ZSWIM6: variants seen among roughly 807,000 people sequenced by gnomAD.
ZSWIM6 encodes the protein zinc finger SWIM-type containing 6.
Under a neutral mutation model 113.2 loss-of-function variants are expected in ZSWIM6, and 9 were observed. The ratio of observed to expected loss-of-function variants is 0.08; its 90% CI spans 0.05 to 0.14. The LOEUF (loss-of-function observed/expected upper bound fraction) is 0.14, where lower values mean the gene tolerates loss of function less well. Among genes scored for constraint, ZSWIM6 ranks in the 10% least tolerant of loss-of-function variants. The pLI is 1.00. For missense variants in ZSWIM6, 1,162 were observed against 1,552.2 expected, an observed-to-expected ratio of 0.75 and a Z score of 4.22; for synonymous variants, 611 against 606.5, an observed-to-expected ratio of 1.01 and a Z score of -0.11.
At chr5:61,439,193 G>A (rs999417042) in intron 1 of ZSWIM6, among the ~76,000 whole-genome samples, 1 of 152,140 alleles carries the variant, frequency 6.6e-6, no homozygotes, top group Non-Finnish European at 1.5e-5. Context: ...AAAGGCAAAT[G>A]ACTTTTATTT....
Position 61,472,539 on chromosome 5 carries a change from C to T in ZSWIM6, c.677-142C>T. On this transcript the variant is annotated intron_variant, in intron 1 of 13. Transcript: ENST00000252744. The surrounding 1 kb of genome is among the most constrained non-coding windows in gnomAD (Gnocchi z 4.1). ...AGGGGGTGGTGGTAGTGGTTAGTGG[C>T]CTGAATGTTTTTACTTGAATATAGA... 1 of 588,376 alleles carries T rather than the reference C, an allele frequency of 1.7e-6. No individual in the cohort carries two copies. Among genetic ancestry groups the T allele is most frequent in the Non-Finnish European group, 2.9e-6 (1 of 347,140 alleles). The allele number at this position is 588,376 out of a possible 1,614,324, so 36.4% of individuals were successfully genotyped here.
At chr5:61,456,820 A>T (rs777620243) in intron 1 of ZSWIM6, among the ~76,000 whole-genome samples, 2 of 152,008 alleles carry the variant, frequency 1.3e-5, no homozygotes, top group Non-Finnish European at 2.9e-5. Flanking sequence ...CATATTTTAC[A>T]GTACTAACAT....
chr5:61,345,043 A>G (rs1322095499), intron 1 of ZSWIM6, among the ~76,000 whole-genome samples: 1 of 152,148 alleles, frequency 6.6e-6, no homozygotes, highest in Non-Finnish European at 1.5e-5. Context: ...ATCCAGCTCA[A>G]TACTTTTCAT....
chr5:61,492,887 A>G (rs1018239687), intron 3 of ZSWIM6, among the ~76,000 whole-genome samples: 1 of 152,086 alleles, frequency 6.6e-6, no homozygotes, highest in Non-Finnish European at 1.5e-5. Flanking sequence ...CCTTTCACAT[A>G]GAGAGTCCTG....
intron 4 of ZSWIM6, among the ~76,000 whole-genome samples, chr5:61,495,740 G>A (rs1459364912): frequency 1.3e-5 from 2 of 152,042 alleles, no homozygotes; most frequent in African/African-American, 4.8e-5. Context: ...AATCCTAAAT[G>A]TTTTACTTTT....
At chr5:61,390,924 G>GCCC (rs1158395606) in intron 1 of ZSWIM6, 2 of 827,606 alleles carry the variant, frequency 2.4e-6, no homozygotes, top group African/African-American at 3.3e-5. Flanking sequence ...GTGGACAAAG[G>GCCC]CCCCCAGAGG....
At chr5:61,430,887 T>C (rs1483359132) in intron 1 of ZSWIM6, among the ~76,000 whole-genome samples, 4 of 152,210 alleles carry the variant, frequency 2.6e-5, no homozygotes, top group Non-Finnish European at 5.9e-5. Context: ...TAATGATGGC[T>C]TATGTTTTAA....
At chr5:61,337,316 C>T (rs1469114446) in intron 1 of ZSWIM6, among the ~76,000 whole-genome samples, 1 of 151,998 alleles carries the variant, frequency 6.6e-6, no homozygotes, top group Non-Finnish European at 1.5e-5. Flanking sequence ...AAACGAGATG[C>T]AAATAAAAAT....
chr5:61,440,942 C>T (rs1746817807), intron 1 of ZSWIM6, among the ~76,000 whole-genome samples: 1 of 152,160 alleles, frequency 6.6e-6, no homozygotes, highest in South Asian at 2.1e-4. Flanking sequence ...GCAGAAAGTA[C>T]TTTGGTCCAC....
At chr5:61,526,777 C>T (rs928030704) in intron 7 of ZSWIM6, among the ~76,000 whole-genome samples, 1 of 152,178 alleles carries the variant, frequency 6.6e-6, no homozygotes, top group African/African-American at 2.4e-5. Context: ...GCAATCCTAA[C>T]GTCCCAAATG....
intron 1 of ZSWIM6, among the ~76,000 whole-genome samples, chr5:61,418,566 T>C (rs1157786800): frequency 2.6e-5 from 4 of 152,076 alleles, no homozygotes; most frequent in Admixed American, 6.5e-5. Flanking sequence ...GCCTACTCTA[T>C]GATTTTTATT....
chr5:61,413,715 C>G (rs183319299), intron 1 of ZSWIM6, among the ~76,000 whole-genome samples: 92 of 152,268 alleles, frequency 6.0e-4, no homozygotes, highest in African/African-American at 2.0e-3. Flanking sequence ...GATTGCCATT[C>G]TAATTGGTGT....
chr5:61,335,686 C>T (rs1385098742), intron 1 of ZSWIM6, among the ~76,000 whole-genome samples: 1 of 152,186 alleles, frequency 6.6e-6, no homozygotes, highest in East Asian at 1.9e-4. Context: ...TATTCATTGA[C>T]TTTTGTAGAG....
chr5:61,407,735 C>G (rs1397720417), intron 1 of ZSWIM6, among the ~76,000 whole-genome samples: 5 of 152,104 alleles, frequency 3.3e-5, no homozygotes, highest in Non-Finnish European at 7.4e-5. Context: ...AAAAGATGCC[C>G]AACTTCGTTC....
chr5:61,449,660 T>TGTTGTCATA (rs1420599138), intron 1 of ZSWIM6, among the ~76,000 whole-genome samples: 1 of 152,234 alleles, frequency 6.6e-6, no homozygotes, highest in Non-Finnish European at 1.5e-5. Context: ...ACTGAGATTT[T>TGTTGTCATA]GTTGTCATAG....
At chr5:61,387,701 A>C (rs143286053) in intron 1 of ZSWIM6, among the ~76,000 whole-genome samples, 4,306 of 151,414 alleles carry the variant, frequency 0.028, 206 homozygotes, top group African/African-American at 0.097. Context: ...GAGGTCAGGA[A>C]TTTGAGACCA....
intron 4 of ZSWIM6, among the ~76,000 whole-genome samples, chr5:61,510,347 G>T (rs940103014): frequency 6.7e-6 from 1 of 149,912 alleles, no homozygotes; most frequent in South Asian, 2.2e-4. Context: ...CTCTGCTTTT[G>T]GGGGGATGCA....
intron 1 of ZSWIM6, among the ~76,000 whole-genome samples, chr5:61,346,107 G>A (rs1050348800): frequency 1.3e-5 from 2 of 151,840 alleles, no homozygotes; most frequent in Non-Finnish European, 2.9e-5. Context: ...ACCACGCCCA[G>A]CTAATTTTTG....
intron 1 of ZSWIM6, among the ~76,000 whole-genome samples, chr5:61,344,774 C>T (rs947078984): frequency 5.3e-5 from 8 of 152,182 alleles, no homozygotes; most frequent in Non-Finnish European, 8.8e-5. Context: ...CAGGCCACGA[C>T]GGCACAGGGT....
Sources: gnomAD v4.1 joint callset for allele counts (sites outside exome capture counted in the v4.1 genomes callset) on GRCh38, gnomAD v4.1.1 for gene constraint, Gnocchi (gnomAD v3.1) non-coding constraint, MANE v1.5 for transcripts, NCBI Gene and HGNC (gene_info 2026-07-23, HGNC 2026-07-21) for gene names.